TENM4: variants seen among roughly 807,000 people sequenced by gnomAD.
TENM4 encodes teneurin transmembrane protein 4.
A neutral mutation model predicts 243.3 loss-of-function variants in TENM4; 82 were observed. The observed-to-expected ratio is 0.34, with a 90% confidence interval of 0.28 to 0.40. The LOEUF is 0.40. Ranked by LOEUF, TENM4 falls within the 10% of genes least tolerant of loss-of-function variation. TENM4 has a pLI of 1.00. For missense variants in TENM4, 3,138 were observed against 3,673.3 expected (o/e 0.85, Z 3.77); for synonymous variants, 1,412 against 1,456.3 (o/e 0.97, Z 0.69).
intron 14 of TENM4, 86 bp downstream of exon 14, chr11:78,812,036 C>A: frequency 6.8e-7 from 1 of 1,464,714 alleles, no homozygotes; most frequent in South Asian, 1.4e-5. Context: ...CAGGAGGCTT[C>A]CCCTGCTCCC....
intron 1 of TENM4, among the ~76,000 whole-genome samples, chr11:79,431,174 T>C (rs1182452092): frequency 6.6e-6 from 1 of 152,248 alleles, no homozygotes; most frequent in African/African-American, 2.4e-5. Context: ...ATTTCTCTAG[T>C]CCTGCTTCAA....
chr11:79,096,987 G>T, intron 4 of TENM4: 1 of 151,262 alleles, frequency 6.6e-6, no homozygotes, highest in Non-Finnish European at 1.5e-5. Flanking sequence ...TTGTGTAGAA[G>T]TACACAAACC....
chr11:78,882,358 C>T (rs1278992207), intron 9 of TENM4, among the ~76,000 whole-genome samples: 1 of 152,206 alleles, frequency 6.6e-6, no homozygotes, highest in East Asian at 1.9e-4. Flanking sequence ...CACAGTTCGG[C>T]CACCATGCTT....
rs150993130 is a variant in TENM4 at position 78,875,169 on chromosome 11, C to T, written c.1085-12037G>A. 5.3e-3 allele frequency among the ~76,000 whole-genome samples: 812 copies of T among 152,276 alleles called. 8 individuals are homozygous for T. Among genetic ancestry groups the T allele is most frequent in the African/African-American group, 0.018 (760 of 41,550 alleles). Reference sequence around the variant, plus strand: ...TGCATGGCAGTGCTGGCACAGTACACGGGGCAGGACAGACGGATGGATGTT... The same window carrying T: ...TGCATGGCAGTGCTGGCACAGTACATGGGGCAGGACAGACGGATGGATGTT... On this transcript the variant is annotated intron_variant, in intron 9 of 33. Transcript: ENST00000278550.
chr11:79,131,881 G>A (rs1214153582), intron 4 of TENM4, among the ~76,000 whole-genome samples: 1 of 152,120 alleles, frequency 6.6e-6, no homozygotes, highest in Non-Finnish European at 1.5e-5. Context: ...GCCAGCAGGG[G>A]TAGCTATTCT....
intron 1 of TENM4, among the ~76,000 whole-genome samples, chr11:79,374,722 T>A (rs1857856688): frequency 6.6e-6 from 1 of 152,052 alleles, no homozygotes; most frequent in African/African-American, 2.4e-5. Context: ...ATTACTAAGC[T>A]TTACTCTTGG....
intron 9 of TENM4, among the ~76,000 whole-genome samples, chr11:78,874,341 A>C (rs1328215715): frequency 1.3e-5 from 2 of 152,264 alleles, no homozygotes; most frequent in Non-Finnish European, 2.9e-5. Flanking sequence ...GAGATTATAA[A>C]GTATATTGAA....
At chr11:79,098,225 C>G (rs371563271) in intron 4 of TENM4, among the ~76,000 whole-genome samples, 102 of 151,624 alleles carry the variant, frequency 6.7e-4, no homozygotes, top group East Asian at 1.8e-3. Flanking sequence ...TCCCCCACCC[C>G]CCCCCATCTC....
At chr11:79,071,398 G>T (rs1156321866) in intron 4 of TENM4, among the ~76,000 whole-genome samples, 1 of 152,078 alleles carries the variant, frequency 6.6e-6, no homozygotes, top group Non-Finnish European at 1.5e-5. Flanking sequence ...CAGTGTCCAG[G>T]GTGGGGCCTT....
intron 4 of TENM4, among the ~76,000 whole-genome samples, chr11:79,085,395 T>G (rs55879218): frequency 0.012 from 514 of 44,180 alleles, 1 homozygote; most frequent in Non-Finnish European, 0.014. Context: ...AAAAGGGGGG[T>G]TTTTTTTTTG....
chr11:79,422,979 C>T (rs1445296178), intron 1 of TENM4, among the ~76,000 whole-genome samples: 3 of 152,156 alleles, frequency 2.0e-5, no homozygotes, highest in Non-Finnish European at 4.4e-5. Context: ...GAATTCTTTG[C>T]ATCCTGTCTT....
intron 3 of TENM4, among the ~76,000 whole-genome samples, chr11:79,204,736 T>G (rs1863814843): frequency 6.6e-6 from 1 of 152,158 alleles, no homozygotes; most frequent in Non-Finnish European, 1.5e-5. Context: ...TATGCGCTCC[T>G]AGGGTATAGT....
intron 1 of TENM4, among the ~76,000 whole-genome samples, chr11:79,359,795 G>A (rs937919520): frequency 6.6e-6 from 1 of 152,148 alleles, no homozygotes; most frequent in African/African-American, 2.4e-5. Context: ...ATGATTATCA[G>A]GCAGCTTATG....
chr11:78,766,129 G>C (rs1478634243), intron 18 of TENM4, among the ~76,000 whole-genome samples: 1 of 152,212 alleles, frequency 6.6e-6, no homozygotes, highest in Non-Finnish European at 1.5e-5. Flanking sequence ...TCTTAGAGAA[G>C]TTAAGTACAT....
At chr11:78,942,108 T>TAAAA (rs34713120) in intron 6 of TENM4, among the ~76,000 whole-genome samples, 9 of 119,044 alleles carry the variant, frequency 7.6e-5, no homozygotes, top group Admixed American at 2.6e-4. Context: ...GCTGATGAGC[T>TAAAA]AAAAAAAAAA....
chr11:79,411,370 C>A (rs1858696444), intron 1 of TENM4, among the ~76,000 whole-genome samples: 1 of 152,210 alleles, frequency 6.6e-6, no homozygotes, highest in Non-Finnish European at 1.5e-5. Context: ...CACTATCCCA[C>A]ACAAACTCTT....
chr11:79,172,768 A>G (rs1264117386), intron 3 of TENM4, among the ~76,000 whole-genome samples: 2 of 150,260 alleles, frequency 1.3e-5, no homozygotes, highest in Non-Finnish European at 2.9e-5. Context: ...CCTTCAGAGT[A>G]GCTGGGATTA....
At chr11:79,283,213 AACACACACACACACAC>A (rs33993080) in intron 2 of TENM4, among the ~76,000 whole-genome samples, 1 of 135,932 alleles carries the variant, frequency 7.4e-6, no homozygotes, top group Admixed American at 7.3e-5. Flanking sequence ...CACACACACA[AACACACACACACACAC>A]ACACACACAC....
chr11:78,799,511 T>G (rs1857236048), intron 15 of TENM4, among the ~76,000 whole-genome samples: 1 of 152,254 alleles, frequency 6.6e-6, no homozygotes, highest in African/African-American at 2.4e-5. Flanking sequence ...TATATAAAAC[T>G]ACTTCATTTA....
Sources: allele counts gnomAD v4.1 joint callset (sites outside exome capture counted in the v4.1 genomes callset), GRCh38; gene constraint gnomAD v4.1.1; transcripts MANE v1.5; gene names NCBI Gene and HGNC (gene_info 2026-07-23, HGNC 2026-07-21).